The following TTLL5 variants were observed in gnomAD, a reference collection of about 807,000 sequenced individuals.
TTLL5 encodes the protein tubulin polyglutamylase TTLL5.
A neutral mutation model predicts 168.4 loss-of-function variants in TTLL5; 132 were observed. That is an observed-to-expected ratio of 0.78 (90% CI 0.68 to 0.91). TTLL5 has a LOEUF of 0.91. TTLL5 is among the 40% of genes least tolerant of loss of function. The pLI, the probability that TTLL5 is intolerant of heterozygous loss-of-function variation, is 0.00. For synonymous variants in TTLL5, 546 were observed against 558.6 expected (o/e 0.98, Z 0.32); for missense variants, 1,545 against 1,581.5 (o/e 0.98, Z 0.39).
At chr14:75,889,749 G>A (rs1448926262) in intron 30 of TTLL5, among the ~76,000 whole-genome samples, 3 of 150,378 alleles carry the variant, frequency 2.0e-5, no homozygotes, top group Non-Finnish European at 3.0e-5. Context: ...AGAATCGCTC[G>A]AGCCTGGGAT....
At chr14:75,669,122 C>T (rs1883515900) in intron 2 of TTLL5, among the ~76,000 whole-genome samples, 2 of 152,180 alleles carry the variant, frequency 1.3e-5, no homozygotes, top group South Asian at 4.1e-4. Context: ...GAACATGTCT[C>T]CTTAAACTTA....
intron 3 of TTLL5, among the ~76,000 whole-genome samples, chr14:75,676,262 C>T (rs2140105298): frequency 6.6e-6 from 1 of 152,194 alleles, no homozygotes; most frequent in South Asian, 2.1e-4. Context: ...ATCCTGTGGC[C>T]CAGTCAAGTT....
intron 28 of TTLL5, among the ~76,000 whole-genome samples, chr14:75,840,851 G>C (rs1896190651): frequency 6.6e-6 from 1 of 152,094 alleles, no homozygotes; most frequent in African/African-American, 2.4e-5. Context: ...AGAAATACCT[G>C]AGGCTGGGTA....
At chr14:75,823,561 G>A (rs753598644) in intron 28 of TTLL5, among the ~76,000 whole-genome samples, 9 of 152,282 alleles carry the variant, frequency 5.9e-5, no homozygotes, top group Non-Finnish European at 1.0e-4. Flanking sequence ...GGAATCCCAC[G>A]AATGTCTGGC....
At chr14:75,943,123 C>T (rs1317608485) in intron 31 of TTLL5, among the ~76,000 whole-genome samples, 1 of 152,096 alleles carries the variant, frequency 6.6e-6, no homozygotes, top group African/African-American at 2.4e-5. Flanking sequence ...GGGCTGTAGT[C>T]GTGGTCATAG....
intron 6 of TTLL5, among the ~76,000 whole-genome samples, chr14:75,691,560 GGCA>G (rs1395895651): frequency 2.6e-5 from 4 of 152,194 alleles, no homozygotes; most frequent in African/African-American, 9.7e-5. Context: ...GGTTCAAACT[GGCA>G]GTTTGGCTTC....
intron 3 of TTLL5, among the ~76,000 whole-genome samples, chr14:75,677,205 A>G (rs926419102): frequency 1.9e-4 from 29 of 152,154 alleles, no homozygotes; most frequent in African/African-American, 5.8e-4. Context: ...CTTTACATGT[A>G]TTAACTGATT....
chr14:75,743,368 C>G (rs754931203), intron 15 of TTLL5, among the ~76,000 whole-genome samples: 62 of 152,116 alleles, frequency 4.1e-4, no homozygotes, highest in Non-Finnish European at 5.1e-4. Context: ...ATGCCATAGG[C>G]TGGGTGGCTT....
chr14:75,802,123 T>G (rs923506717), intron 27 of TTLL5, among the ~76,000 whole-genome samples: 4 of 152,206 alleles, frequency 2.6e-5, no homozygotes, highest in Admixed American at 2.6e-4. Flanking sequence ...CTTTTAAAAA[T>G]AAGATTTATT....
At chr14:75,806,842 A>G (rs921319618) in intron 27 of TTLL5, among the ~76,000 whole-genome samples, 1 of 152,106 alleles carries the variant, frequency 6.6e-6, no homozygotes, top group African/African-American at 2.4e-5. Flanking sequence ...GTTTTTTCCC[A>G]GCCTGCTAGA....
chr14:75,893,070 G>A (rs1334435729), intron 30 of TTLL5, among the ~76,000 whole-genome samples: 2 of 152,046 alleles, frequency 1.3e-5, no homozygotes, highest in African/African-American at 2.4e-5. Context: ...ATCAAGAACT[G>A]GAACGTGAAT....
intron 29 of TTLL5, 105 bp from the exon 30 acceptor site, chr14:75,882,580 G>T (rs1417732920): frequency 3.0e-6 from 3 of 984,890 alleles, no homozygotes; most frequent in Non-Finnish European, 4.4e-6. Flanking sequence ...ATTAACAGTT[G>T]TCCTTTTCTT....
chr14:75,825,080 A>G (rs1207812975), intron 28 of TTLL5, among the ~76,000 whole-genome samples: 4 of 152,190 alleles, frequency 2.6e-5, no homozygotes, highest in African/African-American at 9.7e-5. Flanking sequence ...CAATGCACAT[A>G]GTTAAACCCA....
At chr14:75,818,549 A>C (rs573864525) in intron 27 of TTLL5, 5 of 340,938 alleles carry the variant, frequency 1.5e-5, no homozygotes, top group Non-Finnish European at 2.8e-5. Flanking sequence ...GTGCAGTGGC[A>C]TGATCTCTTC....
chr14:75,725,141 C>T (rs1040165459), intron 12 of TTLL5, among the ~76,000 whole-genome samples: 9 of 152,338 alleles, frequency 5.9e-5, no homozygotes, highest in South Asian at 2.1e-4. Flanking sequence ...TCTGTGTTGA[C>T]GATACCTGGT....
intron 3 of TTLL5, among the ~76,000 whole-genome samples, chr14:75,672,382 A>T (rs566265490): frequency 3.3e-5 from 5 of 152,174 alleles, no homozygotes; most frequent in Admixed American, 2.0e-4. Flanking sequence ...AGTAGCTGGG[A>T]TTATAGGCGT....
At chr14:75,767,137 T>C (rs1891011771) in intron 20 of TTLL5, among the ~76,000 whole-genome samples, 2 of 147,490 alleles carry the variant, frequency 1.4e-5, no homozygotes. Context: ...CACTCCAGCC[T>C]GGGCAACAAG....
At chr14:75,757,810 T>A (rs2113577) in intron 18 of TTLL5, 1,225,372 of 1,583,764 alleles carry the variant, frequency 0.77, 476,645 homozygotes, top group Admixed American at 0.82. Context: ...TCTAACCCGG[T>A]TGTCCTTTCT....
intron 27 of TTLL5, among the ~76,000 whole-genome samples, chr14:75,801,755 G>T (rs574011645): frequency 1.3e-5 from 2 of 152,214 alleles, no homozygotes; most frequent in South Asian, 4.2e-4. Flanking sequence ...TGTTATAATG[G>T]TTTAGTATAG....
Sources: gnomAD v4.1 joint callset for allele counts (sites outside exome capture counted in the v4.1 genomes callset) on GRCh38, gnomAD v4.1.1 for gene constraint, MANE v1.5 for transcripts, NCBI Gene and HGNC (gene_info 2026-07-23, HGNC 2026-07-21) for gene names.